LPP: variants seen among roughly 807,000 people sequenced by gnomAD.
LPP encodes lipoma-preferred partner.
Under a neutral mutation model 60.4 loss-of-function variants are expected in LPP, and 38 were observed. The ratio of observed to expected loss-of-function variants is 0.63; its 90% CI spans 0.49 to 0.83. The LOEUF (loss-of-function observed/expected upper bound fraction) is 0.83. Among genes scored for constraint, LPP ranks in the 40% least tolerant of loss-of-function variants. LPP has a pLI of 0.00. For missense variants in LPP, 902 were observed against 783.6 expected (o/e 1.15, Z -1.80); for synonymous variants, 328 against 290.8 (o/e 1.13, Z -1.30).
intron 2 of LPP, among the ~76,000 whole-genome samples, chr3:188,329,935 T>C (rs1033498288): frequency 1.3e-5 from 2 of 152,142 alleles, no homozygotes; most frequent in African/African-American, 4.8e-5. Flanking sequence ...TGCAAGCAAT[T>C]ATCATCCTTT....
At chr3:188,792,923 A>G (rs375657047) in intron 9 of LPP, among the ~76,000 whole-genome samples, 1 of 152,176 alleles carries the variant, frequency 6.6e-6, no homozygotes, top group East Asian at 1.9e-4. Flanking sequence ...GTGAAGGAAG[A>G]TTTTTATCAA....
chr3:188,289,795 A>G (rs551911262), intron 2 of LPP, among the ~76,000 whole-genome samples: 2 of 152,292 alleles, frequency 1.3e-5, no homozygotes, highest in East Asian at 1.9e-4. Flanking sequence ...TTCAAACCCT[A>G]CTATGCTTCT....
At chr3:188,808,691 G>A (rs1749943317) in intron 9 of LPP, among the ~76,000 whole-genome samples, 1 of 152,076 alleles carries the variant, frequency 6.6e-6, no homozygotes, top group Non-Finnish European at 1.5e-5. Flanking sequence ...TTTACTTTAA[G>A]TTCCAGGATA....
intron 5 of LPP, among the ~76,000 whole-genome samples, chr3:188,495,083 T>TATA (rs57578460): frequency 2.6e-4 from 20 of 77,782 alleles, no homozygotes; most frequent in African/African-American, 1.5e-3. Flanking sequence ...TATATATATA[T>TATA]TTTATTTATA....
chr3:188,412,806 G>A (rs993696840), intron 4 of LPP, among the ~76,000 whole-genome samples: 4 of 152,108 alleles, frequency 2.6e-5, no homozygotes, highest in Non-Finnish European at 5.9e-5. Context: ...ATTAAATAGG[G>A]ATCCTAAGCC....
intron 7 of LPP, among the ~76,000 whole-genome samples, chr3:188,614,311 A>G (rs1844455834): frequency 6.6e-6 from 1 of 152,174 alleles, no homozygotes; most frequent in Admixed American, 6.5e-5. Flanking sequence ...AGTTATCCGT[A>G]TGGTAATCCC....
intron 3 of LPP, among the ~76,000 whole-genome samples, chr3:188,378,759 G>A (rs539074593): frequency 3.9e-5 from 6 of 152,266 alleles, no homozygotes; most frequent in South Asian, 2.1e-4. Flanking sequence ...AGATGAACCC[G>A]GTACCTCAGT....
intron 2 of LPP, among the ~76,000 whole-genome samples, chr3:188,276,669 GTCTCTCTCTCTCTCTCTCTCTCTC>G (rs750060555): frequency 1.0e-5 from 1 of 100,172 alleles, no homozygotes; most frequent in South Asian, 3.3e-4. Context: ...CTCCAACTCT[GTCTCTCTCTCTCTCTCTCTCTCTC>G]TTTCTCTCTC....
intron 9 of LPP, among the ~76,000 whole-genome samples, chr3:188,843,080 C>T (rs1325820071): frequency 6.6e-6 from 1 of 152,036 alleles, no homozygotes; most frequent in African/African-American, 2.4e-5. Context: ...GTTTAGTATG[C>T]CACGATTATA....
chr3:188,729,844 G>T (rs1327759706), intron 8 of LPP, among the ~76,000 whole-genome samples: 1 of 151,980 alleles, frequency 6.6e-6, no homozygotes, highest in Admixed American at 6.6e-5. Context: ...AAATGGATGG[G>T]CATGATGGCA....
intron 1 of LPP, among the ~76,000 whole-genome samples, chr3:188,171,935 A>G (rs1007308): frequency 0.31 from 46,674 of 152,134 alleles, 8,392 homozygotes; most frequent in South Asian, 0.53. Context: ...GCCAGCAAGT[A>G]GCCGACTAGA....
intron 9 of LPP, among the ~76,000 whole-genome samples, chr3:188,780,463 T>A (rs1739275938): frequency 6.6e-6 from 1 of 152,068 alleles, no homozygotes; most frequent in Non-Finnish European, 1.5e-5. Flanking sequence ...TAAGCACAAG[T>A]GGGAGAAATT....
At position 188,872,662 on chromosome 3, in the gene LPP, T is replaced by G. The variant is rs776173422; in HGVS notation, c.1609T>G (p.Ser537Ala). The change falls in exon 11 of 12, where the codon TCT becomes GCT. Residue 537 changes from serine to alanine, a missense_variant. Transcript: ENST00000617246. ...DFHKKFAPRC[S>A]VCKEPIMPAP... is the part of the protein sequence containing the mutation. Reference sequence around the variant, plus strand: ...TTTCAGGAAATTTGCCCCGCGATGTTCTGTGTGCAAGGAGCCTATTATGCC... The same window carrying G: ...TTTCAGGAAATTTGCCCCGCGATGTGCTGTGTGCAAGGAGCCTATTATGCC... The G allele has an allele frequency of 6.2e-7, 1 of 1,614,120 alleles. No individual in the cohort carries two copies. The highest frequency in any genetic ancestry group is 8.5e-7 in the Non-Finnish European group (1 of 1,180,008).
intron 5 of LPP, among the ~76,000 whole-genome samples, chr3:188,498,418 G>C (rs1054977221): frequency 6.6e-6 from 1 of 151,974 alleles, no homozygotes. Context: ...TTAACTTCAC[G>C]AGCACATGGT....
chr3:188,650,005 T>G (rs1478370827), intron 7 of LPP, among the ~76,000 whole-genome samples: 1 of 152,226 alleles, frequency 6.6e-6, no homozygotes, highest in South Asian at 2.1e-4. Flanking sequence ...TATCTATCTA[T>G]CCATCTGTCT....
At chr3:188,276,077 G>A (rs747875507) in intron 2 of LPP, among the ~76,000 whole-genome samples, 1 of 152,166 alleles carries the variant, frequency 6.6e-6, no homozygotes, top group South Asian at 2.1e-4. Flanking sequence ...AAATGATTTG[G>A]CAAAAGTATG....
Position 188,883,668 on chromosome 3 carries a change from G to A in LPP, c.*9189G>A, listed in dbSNP as rs573068873. 8.4e-5 allele frequency: 14 copies of A among 166,610 alleles called. No individual in the cohort carries two copies. The highest frequency in any genetic ancestry group is 2.5e-3 in the Middle Eastern group (1 of 402). The allele number at this position is 166,610 out of a possible 1,614,324, so 10.3% of individuals were successfully genotyped here. A position where few individuals can be genotyped will look rare whatever the true frequency, so the allele number is the denominator to read the frequency against. On this transcript the variant is annotated 3_prime_UTR_variant, in exon 12 of 12. Coordinates refer to ENST00000617246, the MANE Select transcript of LPP (RefSeq NM_001375462.1). ...GAATCACCTGAACCCAGGAGGCAGA[G>A]GTTGCAGTGAGCAGAGATTGCGCCA...
intron 2 of LPP, among the ~76,000 whole-genome samples, chr3:188,276,889 CTTTTCTTTTTTTTTT>C (rs1353527003): frequency 4.3e-4 from 26 of 60,180 alleles, no homozygotes; most frequent in African/African-American, 7.0e-4. Flanking sequence ...CACTTCTTTT[CTTTTCTTTTTTTTTT>C]TTTTTTTTTT....
intron 8 of LPP, among the ~76,000 whole-genome samples, chr3:188,756,192 G>A (rs1028806007): frequency 6.6e-6 from 1 of 152,120 alleles, no homozygotes; most frequent in African/African-American, 2.4e-5. Flanking sequence ...AGGATAAGAA[G>A]AATTGTTGGC....
Sources: gnomAD v4.1 joint callset for allele counts (sites outside exome capture counted in the v4.1 genomes callset) on GRCh38, gnomAD v4.1.1 for gene constraint, MANE v1.5 for transcripts, NCBI Gene and HGNC (gene_info 2026-07-23, HGNC 2026-07-21) for gene names.